CCDC149: variants seen among roughly 807,000 people sequenced by gnomAD.
CCDC149 encodes coiled-coil domain containing 149.
Under a neutral mutation model 59.9 loss-of-function variants are expected in CCDC149, and 45 were observed. That is an observed-to-expected ratio of 0.75 (90% confidence interval 0.59 to 0.96). The LOEUF (loss-of-function observed/expected upper bound fraction) is 0.96, where lower values mean the gene tolerates loss of function less well. Ranked by LOEUF, CCDC149 falls within the 40% of genes least tolerant of loss-of-function variation. The pLI is 0.00. For missense variants in CCDC149, 584 were observed against 664.7 expected, an observed-to-expected ratio of 0.88 and a Z score of 1.33; for synonymous variants, 245 against 260.6, an observed-to-expected ratio of 0.94 and a Z score of 0.58.
intron 1 of CCDC149, among the ~76,000 whole-genome samples, chr4:24,959,455 C>T (rs1488089764): frequency 6.6e-6 from 1 of 151,632 alleles, no homozygotes; most frequent in Non-Finnish European, 1.5e-5. Flanking sequence ...GGATACCAAC[C>T]TAGTTGGAGT....
intron 9 of CCDC149, chr4:24,823,185 T>C (rs946995169): frequency 2.6e-5 from 4 of 152,194 alleles, no homozygotes; most frequent in African/African-American, 9.6e-5. Context: ...TAATTAGCTA[T>C]GGGAAGAATG....
intron 1 of CCDC149, among the ~76,000 whole-genome samples, chr4:24,970,779 C>T (rs1167453497): frequency 6.6e-6 from 1 of 152,050 alleles, no homozygotes; most frequent in Non-Finnish European, 1.5e-5. Flanking sequence ...CCCATGTTGC[C>T]CAGACTCCCA....
At chr4:24,818,143 A>G (rs995644489) in intron 12 of CCDC149, among the ~76,000 whole-genome samples, 4 of 152,158 alleles carry the variant, frequency 2.6e-5, no homozygotes, top group African/African-American at 9.7e-5. Flanking sequence ...CAAGGTGTAA[A>G]AACTCTGCAG....
chr4:24,879,956 T>G (rs985057983), intron 1 of CCDC149, among the ~76,000 whole-genome samples: 1 of 152,192 alleles, frequency 6.6e-6, no homozygotes, highest in African/African-American at 2.4e-5. Flanking sequence ...AGGCCACAGA[T>G]AGCCCACAAG....
chr4:24,941,673 G>C (rs1332017777), intron 1 of CCDC149, among the ~76,000 whole-genome samples: 4 of 152,118 alleles, frequency 2.6e-5, no homozygotes, highest in African/African-American at 7.2e-5. Flanking sequence ...GAAGAAAAGA[G>C]AGAAGAATCA....
intron 3 of CCDC149, among the ~76,000 whole-genome samples, chr4:24,860,264 G>C (rs1718292270): frequency 6.6e-6 from 1 of 152,176 alleles, no homozygotes; most frequent in Non-Finnish European, 1.5e-5. Flanking sequence ...CAATGGAGCA[G>C]AATAGAGAAG....
intron 1 of CCDC149, among the ~76,000 whole-genome samples, chr4:24,903,627 T>C (rs1020377892): frequency 6.6e-6 from 1 of 152,192 alleles, no homozygotes; most frequent in Non-Finnish European, 1.5e-5. Context: ...TAGGTGTAAG[T>C]GTTCCATGAA....
At chr4:24,820,150 G>T in intron 11 of CCDC149, 175 bp from the exon 12 acceptor site, 1 of 576,040 alleles carries the variant, frequency 1.7e-6, no homozygotes, top group East Asian at 2.9e-5. Context: ...CACCACCCTA[G>T]CCCTAACCCT....
At chr4:24,966,551 C>G (rs771173650) in intron 1 of CCDC149, among the ~76,000 whole-genome samples, 1 of 152,182 alleles carries the variant, frequency 6.6e-6, no homozygotes, top group Non-Finnish European at 1.5e-5. Context: ...GCTCCACCCA[C>G]AGTGGCCCCC....
chr4:24,908,488 A>T (rs1395763377), intron 1 of CCDC149, among the ~76,000 whole-genome samples: 6 of 149,886 alleles, frequency 4.0e-5, no homozygotes, highest in Non-Finnish European at 8.9e-5. Flanking sequence ...TGAAGCCAGG[A>T]GCTCAAGATC....
At chr4:24,914,647 C>T (rs1228514779), upstream of CCDC149, among the ~76,000 whole-genome samples, 1 of 146,746 alleles carries the variant, frequency 6.8e-6, no homozygotes, top group Non-Finnish European at 1.5e-5. Flanking sequence ...GCCGAAGAAC[C>T]ATCCAGCTGA....
At chr4:24,966,807 T>G (rs552974985) in intron 1 of CCDC149, among the ~76,000 whole-genome samples, 2 of 152,268 alleles carry the variant, frequency 1.3e-5, no homozygotes, top group Non-Finnish European at 2.9e-5. Flanking sequence ...CAGGTAGAAA[T>G]GTAGAGCCTT....
rs1722848414 is a variant in CCDC149 at position 24,938,528 on chromosome 4, A to T, written c.-65+41541T>A. On this transcript the variant is annotated intron_variant, in intron 1 of 12. Transcript: ENST00000389609. ...CCAACTGAGGTACCGGGTTCATCTC[A>T]CTGGGGAGCGCAGTGGGTGCAGGAC... Among the ~76,000 whole-genome samples, 7 of 152,310 alleles carry T rather than the reference A, an allele frequency of 4.6e-5. No individual in the cohort carries two copies. The South Asian group carries it at 1.4e-3, about 32-fold the overall frequency.
intron 1 of CCDC149, among the ~76,000 whole-genome samples, chr4:24,881,043 T>C (rs954723480): frequency 6.6e-6 from 1 of 152,198 alleles, no homozygotes; most frequent in African/African-American, 2.4e-5. Context: ...AAACTTGCTT[T>C]CTCTGCCTTG....
intron 1 of CCDC149, among the ~76,000 whole-genome samples, chr4:24,964,427 C>A (rs1432156624): frequency 6.6e-6 from 1 of 152,062 alleles, no homozygotes; most frequent in Non-Finnish European, 1.5e-5. Context: ...AAACGAATGA[C>A]AGAAAAATCT....
At chr4:24,819,482 G>A (rs966158473) in intron 12 of CCDC149, among the ~76,000 whole-genome samples, 26 of 152,072 alleles carry the variant, frequency 1.7e-4, no homozygotes, top group Admixed American at 1.3e-3. Flanking sequence ...CACCACACCC[G>A]GCTAATTTTT....
chr4:24,866,027 T>C (rs1718675209), intron 3 of CCDC149, among the ~76,000 whole-genome samples: 1 of 152,182 alleles, frequency 6.6e-6, no homozygotes, highest in Non-Finnish European at 1.5e-5. Flanking sequence ...TTGAGATCTT[T>C]GAAGGAAGTT....
intron 1 of CCDC149, among the ~76,000 whole-genome samples, chr4:24,929,018 G>T (rs1722509328): frequency 6.6e-6 from 1 of 152,192 alleles, no homozygotes; most frequent in Admixed American, 6.5e-5. Context: ...TTTAAACAAA[G>T]AATCAGTGCC....
chr4:24,893,613 C>CATTTTTTTTTTT (rs1720655719), intron 1 of CCDC149, among the ~76,000 whole-genome samples: 1 of 65,876 alleles, frequency 1.5e-5, no homozygotes. Context: ...AAAATACAGA[C>CATTTTTTTTTTT]TTTTTTTTTT....
Sources: allele counts gnomAD v4.1 joint callset (sites outside exome capture counted in the v4.1 genomes callset), GRCh38; gene constraint gnomAD v4.1.1; transcripts MANE v1.5; gene names NCBI Gene and HGNC (gene_info 2026-07-23, HGNC 2026-07-21).